MAP2K5: variants seen among roughly 807,000 people sequenced by gnomAD.
The protein encoded by MAP2K5 is mitogen-activated protein kinase kinase 5, also known as dual specificity mitogen-activated protein kinase kinase 5.
A neutral mutation model predicts 83.1 loss-of-function variants in MAP2K5; 49 were observed. The ratio of observed to expected loss-of-function variants is 0.59; its 90% confidence interval spans 0.47 to 0.75. The LOEUF (loss-of-function observed/expected upper bound fraction) is 0.75. MAP2K5 is among the 30% of genes least tolerant of loss of function. The pLI, the probability that MAP2K5 is intolerant of heterozygous loss-of-function variation, is 0.00. For missense variants in MAP2K5, 457 were observed against 557.5 expected (o/e 0.82, Z 1.82); for synonymous variants, 202 against 191.8 (o/e 1.05, Z -0.44).
chr15:67,754,833 C>T (rs990939187), intron 19 of MAP2K5, among the ~76,000 whole-genome samples: 7 of 152,124 alleles, frequency 4.6e-5, no homozygotes, highest in Admixed American at 3.9e-4. Context: ...TGCCAAAAAG[C>T]GTAGGTGTTA....
intron 7 of MAP2K5, among the ~76,000 whole-genome samples, chr15:67,598,326 A>C (rs2085575894): frequency 6.6e-6 from 1 of 152,176 alleles, no homozygotes; most frequent in Admixed American, 6.5e-5. Flanking sequence ...CTTTTTATAG[A>C]TACTAAGTGA....
At chr15:67,660,871 G>A (rs186845235) in intron 12 of MAP2K5, among the ~76,000 whole-genome samples, 33 of 145,474 alleles carry the variant, frequency 2.3e-4, no homozygotes, top group Non-Finnish European at 1.8e-4. Context: ...AACAGAATGA[G>A]AAAAAAAAAA....
intron 17 of MAP2K5, among the ~76,000 whole-genome samples, chr15:67,740,304 T>C (rs1198604802): frequency 6.6e-6 from 1 of 152,218 alleles, no homozygotes; most frequent in Non-Finnish European, 1.5e-5. Flanking sequence ...ATGTTTGCAA[T>C]CAGAGGGAAC....
chr15:67,781,412 C>T lies in MAP2K5; in HGVS notation c.1242+8660C>T, dbSNP rs1407930494. Among the ~76,000 whole-genome samples, 2 of 152,034 alleles carry T rather than the reference C, an allele frequency of 1.3e-5. No individual in the cohort carries two copies. Among genetic ancestry groups the T allele is most frequent in the East Asian group, 1.9e-4 (1 of 5,190 alleles). The stretch of plus-strand genomic sequence containing the variant: ...TTGGGGATTGTGAGTCTTGTGGTTT[C>T]GGATACAGAGTTATTTGGGGGGCCA... On this transcript the variant is annotated intron_variant, in intron 21 of 21. Transcript: ENST00000178640. This position sits in a 1 kb window ranked among gnomAD's most constrained non-coding sequence, Gnocchi z 4.0.
chr15:67,734,182 T>G (rs906257309), intron 17 of MAP2K5, among the ~76,000 whole-genome samples: 1 of 152,220 alleles, frequency 6.6e-6, no homozygotes, highest in African/African-American at 2.4e-5. Context: ...GTTTGCTAAA[T>G]AATTGGGTAG....
intron 16 of MAP2K5, among the ~76,000 whole-genome samples, chr15:67,721,272 A>G (rs1216663588): frequency 1.3e-5 from 2 of 152,086 alleles, no homozygotes; most frequent in African/African-American, 4.8e-5. Context: ...TGAATGGTAG[A>G]TAAGTGCTTG....
intron 19 of MAP2K5, among the ~76,000 whole-genome samples, chr15:67,767,280 A>G (rs1265346459): frequency 6.6e-6 from 1 of 152,198 alleles, no homozygotes; most frequent in East Asian, 1.9e-4. Context: ...TCATTAATTT[A>G]CTTTTGATAT....
intron 13 of MAP2K5, among the ~76,000 whole-genome samples, chr15:67,674,626 G>A (rs1049097830): frequency 2.0e-5 from 3 of 152,148 alleles, no homozygotes; most frequent in African/African-American, 7.2e-5. Context: ...TACCTTGGGT[G>A]ATCACAGGGT....
chr15:67,704,820 T>G (rs1212931723), intron 16 of MAP2K5, among the ~76,000 whole-genome samples: 2 of 152,208 alleles, frequency 1.3e-5, no homozygotes, highest in Non-Finnish European at 2.9e-5. Flanking sequence ...CTTTTGCATA[T>G]TTTAAATTGT....
At chr15:67,570,023 A>G (rs1249782141) in intron 3 of MAP2K5, among the ~76,000 whole-genome samples, 1 of 152,226 alleles carries the variant, frequency 6.6e-6, no homozygotes, top group Non-Finnish European at 1.5e-5. Context: ...TGTGGACACT[A>G]CCCCAAGCTA....
At chr15:67,630,851 T>TGATC (rs1376713958) in intron 8 of MAP2K5, 37 bp from the exon 9 acceptor site, 8 of 1,545,562 alleles carry the variant, frequency 5.2e-6, no homozygotes, top group Non-Finnish European at 6.2e-6. Context: ...GGTTGTTTAG[T>TGATC]GATCCCAAAT....
chr15:67,680,981 G>C (rs1419781525), intron 13 of MAP2K5, among the ~76,000 whole-genome samples: 1 of 152,202 alleles, frequency 6.6e-6, no homozygotes, highest in Admixed American at 6.5e-5. Flanking sequence ...TCCACATCCT[G>C]ATTTCCTAGA....
chr15:67,603,744 GTGTT>G (rs1460240164), intron 8 of MAP2K5, among the ~76,000 whole-genome samples: 3 of 152,166 alleles, frequency 2.0e-5, no homozygotes, highest in African/African-American at 7.2e-5. Context: ...ATAAAACTAA[GTGTT>G]TGATGTGTTA....
Position 67,696,586 on chromosome 15 carries a change from T to G in MAP2K5, c.972+3018T>G, listed in dbSNP as rs1250128050. 2.6e-5 allele frequency among the ~76,000 whole-genome samples: 4 copies of G among 152,314 alleles called. No individual in the cohort carries two copies. In the East Asian group the frequency reaches 7.7e-4, roughly 29 times the overall value. ...TAGGTACAGTGGAACCACTCTATAA[T>G]GTAGATAAGACTTGGGTGAAACAGG... On this transcript the variant is annotated intron_variant, in intron 15 of 21. Coordinates refer to ENST00000178640, the MANE Select transcript of MAP2K5 (RefSeq NM_145160.3).
rs2090275623 is a variant in MAP2K5 at position 67,778,532 on chromosome 15, G to A, written c.1242+5780G>A. ...GGAGAGTGTTTATTAATGAGGAATG[G>A]CTCAAAGAAAAGGGAGGGTTCTGAG... On this transcript the variant is annotated intron_variant, in intron 21 of 21. Coordinates refer to ENST00000178640, the MANE Select transcript of MAP2K5 (RefSeq NM_145160.3). The surrounding 1 kb of genome is among the most constrained non-coding windows in gnomAD (Gnocchi z 5.0). Among the ~76,000 whole-genome samples, 1 of 152,128 alleles carries A rather than the reference G, an allele frequency of 6.6e-6. No homozygotes were observed. The highest frequency in any genetic ancestry group is 1.9e-4 in the East Asian group (1 of 5,196).
intron 21 of MAP2K5, among the ~76,000 whole-genome samples, chr15:67,776,803 G>T (rs1461406481): frequency 1.3e-5 from 2 of 152,180 alleles, no homozygotes; most frequent in Non-Finnish European, 2.9e-5. Flanking sequence ...CTAAGGTCAG[G>T]ATGTGACTTA....
At chr15:67,688,789 G>C (rs1366515750) in intron 13 of MAP2K5, among the ~76,000 whole-genome samples, 1 of 152,148 alleles carries the variant, frequency 6.6e-6, no homozygotes, top group African/African-American at 2.4e-5. Context: ...CAAGGCCAAA[G>C]TCATGTGCCA....
rs1404916251 is a variant in MAP2K5 at position 67,747,299 on chromosome 15, G to T, written c.1075-932G>T. 6.6e-6 allele frequency among the ~76,000 whole-genome samples: 1 copy of T among 152,168 alleles called. No homozygotes were observed. The highest frequency in any genetic ancestry group is 6.5e-5 in the Admixed American group (1 of 15,282). ...CTAGTTTCCCTGTATTTTACCGGCT[G>T]GTTGGAGCCCAGTTATCTCAGAAAA... On this transcript the variant is annotated intron_variant, in intron 17 of 21. Coordinates refer to ENST00000178640, the MANE Select transcript of MAP2K5 (RefSeq NM_145160.3). This position sits in a 1 kb window ranked among gnomAD's most constrained non-coding sequence, Gnocchi z 4.1.
intron 1 of MAP2K5, among the ~76,000 whole-genome samples, chr15:67,547,463 T>C (rs1287948591): frequency 2.0e-5 from 3 of 150,184 alleles, no homozygotes; most frequent in Non-Finnish European, 3.0e-5. Context: ...TTCTTTTTTT[T>C]TTTTTTTTTT....
Sources: gnomAD v4.1 joint callset for allele counts (sites outside exome capture counted in the v4.1 genomes callset) on GRCh38, gnomAD v4.1.1 for gene constraint, Gnocchi (gnomAD v3.1) non-coding constraint, MANE v1.5 for transcripts, NCBI Gene and HGNC (gene_info 2026-07-23, HGNC 2026-07-21) for gene names.